Variants in ZNF831 observed in about 807,000 individuals in gnomAD.
The protein encoded by ZNF831 is chromosome 20 open reading frame 174.
A neutral mutation model predicts 95.8 loss-of-function variants in ZNF831; 59 were observed. The observed-to-expected ratio is 0.62, with a 90% CI of 0.50 to 0.77. The LOEUF (loss-of-function observed/expected upper bound fraction) is 0.77. Ranked by LOEUF, ZNF831 falls within the 30% of genes least tolerant of loss-of-function variation. The probability of loss-of-function intolerance (pLI) is 0.00; values close to 1 mark genes in which losing one functional copy is unlikely to be tolerated. For synonymous variants in ZNF831, 961 were observed against 925.5 expected (o/e 1.04, Z -0.70); for missense variants, 2,205 against 2,164.0 (o/e 1.02, Z -0.38).
intron 1 of ZNF831, among the ~76,000 whole-genome samples, chr20:59,165,834 C>T (rs868389973): frequency 1.3e-5 from 2 of 152,170 alleles, no homozygotes; most frequent in East Asian, 1.9e-4. Context: ...ACTACAACCT[C>T]TACCTTCTGG....
At position 59,192,011 on chromosome 20, in the gene ZNF831, C is replaced by A. The variant is rs757969550; in HGVS notation, c.992C>A (p.Ala331Asp). The A allele has an allele frequency of 3.1e-6, 5 of 1,608,020 alleles. No individual in the cohort carries two copies. Among genetic ancestry groups the A allele is most frequent in the Non-Finnish European group, 4.2e-6 (5 of 1,178,512 alleles). ...TAAEKPWDAK[A>D]PEGRLRKCES... Reference sequence around the variant, plus strand: ...GCGGAGAAGCCCTGGGATGCCAAGGCCCCCGAGGGCCGGCTGCGGAAGTGT... The same window carrying A: ...GCGGAGAAGCCCTGGGATGCCAAGGACCCCGAGGGCCGGCTGCGGAAGTGT... The change falls in exon 2 of 6, where the codon GCC becomes GAC. Residue 331 changes from alanine to aspartate, a missense_variant. Coordinates refer to ENST00000371030, the MANE Select transcript of ZNF831 (RefSeq NM_178457.3). The surrounding 1 kb of genome is among the most constrained non-coding windows in gnomAD (Gnocchi z 5.2).
intron 3 of ZNF831, among the ~76,000 whole-genome samples, chr20:59,205,611 T>A (rs564269842): frequency 1.3e-5 from 2 of 152,128 alleles, no homozygotes; most frequent in Non-Finnish European, 2.9e-5. Context: ...GCGGCCCTGG[T>A]GATTAGGGGA....
chr20:59,179,830 G>A (rs1057164177), intron 1 of ZNF831, among the ~76,000 whole-genome samples: 7 of 152,054 alleles, frequency 4.6e-5, no homozygotes, highest in African/African-American at 1.7e-4. Context: ...CCAATCGCAG[G>A]TAGTAGGGGC....
chr20:59,219,529 G>A (rs778181674), intron 4 of ZNF831, among the ~76,000 whole-genome samples: 22 of 152,292 alleles, frequency 1.4e-4, no homozygotes, highest in Admixed American at 6.5e-4. Context: ...CTGCTGGAGC[G>A]GAGAGGGGAG....
At chr20:59,148,827 T>G (rs2146453087) in intron 2 of ZNF831, among the ~76,000 whole-genome samples, 1 of 146,728 alleles carries the variant, frequency 6.8e-6, no homozygotes, top group South Asian at 2.4e-4. Flanking sequence ...TCCTGCAGCC[T>G]CCTACCTCAG....
intron 4 of ZNF831, among the ~76,000 whole-genome samples, chr20:59,230,225 C>G (rs1986650010): frequency 6.6e-6 from 1 of 152,206 alleles, no homozygotes; most frequent in African/African-American, 2.4e-5. Flanking sequence ...GCTAGCCATG[C>G]TGTCCTGTCG....
At chr20:59,195,187 T>C (rs1224567554) in intron 2 of ZNF831, among the ~76,000 whole-genome samples, 1 of 152,152 alleles carries the variant, frequency 6.6e-6, no homozygotes, top group East Asian at 1.9e-4. Flanking sequence ...AAGGAATTAC[T>C]GTTGATTGGA....
At chr20:59,179,937 T>C (rs1460661778) in intron 1 of ZNF831, among the ~76,000 whole-genome samples, 1 of 152,148 alleles carries the variant, frequency 6.6e-6, no homozygotes. Context: ...CCCATATCTT[T>C]GCTGTGCCAC....
intron 1 of ZNF831, among the ~76,000 whole-genome samples, chr20:59,140,962 C>T (rs182723116): frequency 1.9e-3 from 291 of 152,050 alleles, no homozygotes; most frequent in South Asian, 3.7e-3. Context: ...TGCAGTGGCA[C>T]GATCTCAGCT....
Position 59,193,177 on chromosome 20 carries a change from A to T in ZNF831, c.2158A>T (p.Ser720Cys), listed in dbSNP as rs2146578385. The T allele has an allele frequency of 6.3e-7, 1 of 1,576,082 alleles. No homozygotes were observed. Among genetic ancestry groups the T allele is most frequent in the South Asian group, 1.2e-5 (1 of 86,666 alleles). The stretch of plus-strand genomic sequence containing the variant: ...GGAGACGGTGGCCAGGAGAGGAGAC[A>T]GTGACCGACCCAGGGTGGAAGAGGC... ...HGETVARRGD[S>C]DRPRVEEAVS... Residue 720 changes from serine (S) to cysteine (C), a missense_variant, in exon 2 of 6, where the codon AGT becomes TGT. Ser to Cys is a moderately radical substitution (Grantham distance 112). Transcript: ENST00000371030.
intron 1 of ZNF831, among the ~76,000 whole-genome samples, chr20:59,186,107 ATG>A (rs1196685983): frequency 6.6e-6 from 1 of 152,188 alleles, no homozygotes; most frequent in Non-Finnish European, 1.5e-5. Context: ...CCTGGGGTGC[ATG>A]TTCTACATGA....
chr20:59,164,315 G>C (rs1981084023), intron 1 of ZNF831, among the ~76,000 whole-genome samples, 108 bp downstream of exon 1: 1 of 152,156 alleles, frequency 6.6e-6, no homozygotes, highest in African/African-American at 2.4e-5. Flanking sequence ...CGCAGTTAAA[G>C]GGAAAATGCT....
upstream of ZNF831, chr20:59,160,533 C>T (rs1980792876): frequency 6.6e-6 from 1 of 152,256 alleles, no homozygotes; most frequent in African/African-American, 2.4e-5. Context: ...CTGAGTGTAC[C>T]AGGTGGCTCC....
In ZNF831 at chr20:59,192,340, G is replaced by T. The variant is rs1471088747; in HGVS notation, c.1321G>T (p.Asp441Tyr). 6.2e-7 allele frequency: 1 copy of T among 1,607,310 alleles called. No homozygotes were observed. Among genetic ancestry groups the T allele is most frequent in the Non-Finnish European group, 8.5e-7 (1 of 1,177,246 alleles). Residue 441 changes from aspartate (D) to tyrosine (Y), a missense_variant, in exon 2 of 6, where the codon GAC (aspartate) becomes TAC (tyrosine). Asp to Tyr is a radical substitution (Grantham distance 160). Coordinates refer to ENST00000371030, the MANE Select transcript of ZNF831 (RefSeq NM_178457.3). The surrounding 1 kb of genome is among the most constrained non-coding windows in gnomAD (Gnocchi z 5.2). Reference sequence around the variant, plus strand: ...CGGGCTGTCCAAACAGGGCAGCATCGACCTGCCCACGCCCTACACCTACAA... The same window carrying T: ...CGGGCTGTCCAAACAGGGCAGCATCTACCTGCCCACGCCCTACACCTACAA... Reference protein sequence around the residue: ...KTGLSKQGSIDLPTPYTYKDS... With the variant: ...KTGLSKQGSIYLPTPYTYKDS...
chr20:59,140,072 G>A (rs936572465), intron 1 of ZNF831, among the ~76,000 whole-genome samples: 23 of 152,208 alleles, frequency 1.5e-4, no homozygotes, highest in African/African-American at 5.6e-4. Flanking sequence ...AATGCATTGT[G>A]TCATGGTTTA....
chr20:59,211,306 C>T (rs1985316083), intron 4 of ZNF831, among the ~76,000 whole-genome samples: 1 of 152,212 alleles, frequency 6.6e-6, no homozygotes, highest in African/African-American at 2.4e-5. Context: ...TTCAAAGGCC[C>T]TCCTCTCCAG....
intron 3 of ZNF831, among the ~76,000 whole-genome samples, chr20:59,196,943 T>A (rs1984163915): frequency 9.1e-6 from 1 of 109,374 alleles, no homozygotes; most frequent in East Asian, 2.5e-4. Context: ...CGCCCAGCTA[T>A]TTTTTTTTTT....
chr20:59,127,465 G>A (rs1414879215), intron 1 of ZNF831, among the ~76,000 whole-genome samples: 1 of 152,156 alleles, frequency 6.6e-6, no homozygotes, highest in Non-Finnish European at 1.5e-5. Context: ...TCGAGGGCCT[G>A]CACCTTCCTG....
At position 59,231,322 on chromosome 20, in the gene ZNF831, T is replaced by C. The variant is rs1307150617; in HGVS notation, c.4028-21656T>C. Among the ~76,000 whole-genome samples the C allele has an allele frequency of 2.6e-5, 4 of 152,180 alleles. 1 individual carries two copies. Among genetic ancestry groups the C allele is most frequent in the Non-Finnish European group, 5.9e-5 (4 of 68,032 alleles). On this transcript the variant is annotated intron_variant, in intron 4 of 5. Coordinates refer to ENST00000371030, the MANE Select transcript of ZNF831 (RefSeq NM_178457.3). ...CATGCTCTGCCACATGAGCTAGAGATCTAGATAAGGTGAAAGTCCACATGT... is the reference window on the plus strand; with the variant it reads ...CATGCTCTGCCACATGAGCTAGAGACCTAGATAAGGTGAAAGTCCACATGT...
Sources: gnomAD v4.1 joint callset for allele counts (sites outside exome capture counted in the v4.1 genomes callset) on GRCh38, gnomAD v4.1.1 for gene constraint, Gnocchi (gnomAD v3.1) non-coding constraint, MANE v1.5 for transcripts, NCBI Gene and HGNC (gene_info 2026-07-23, HGNC 2026-07-21) for gene names.